RERE: variants seen among roughly 807,000 people sequenced by gnomAD.
RERE encodes arginine-glutamic acid dipeptide repeats protein.
In RERE, 40 loss-of-function variants were observed where a neutral mutation model predicts 146.1. The observed-to-expected ratio is 0.27, with a 90% CI of 0.21 to 0.36. The LOEUF (loss-of-function observed/expected upper bound fraction) is 0.36, where lower values mean the gene tolerates loss of function less well. Ranked by LOEUF, RERE falls within the 10% of genes least tolerant of loss-of-function variation. The pLI is 1.00. For synonymous variants in RERE, 1,003 were observed against 866.0 expected (o/e 1.16, Z -2.78); for missense variants, 1,933 against 2,138.7 (o/e 0.90, Z 1.90).
chr1:8,365,437 C>A (rs902357), intron 13 of RERE, among the ~76,000 whole-genome samples: 1,905 of 152,246 alleles, frequency 0.013, 39 homozygotes, highest in African/African-American at 0.044. Flanking sequence ...GATCTTCTTA[C>A]AACCAAAAGT....
At chr1:8,793,356 C>A (rs900194524) in intron 1 of RERE, among the ~76,000 whole-genome samples, 17 of 152,098 alleles carry the variant, frequency 1.1e-4, no homozygotes, top group Non-Finnish European at 2.2e-4. Context: ...ACTCTCCAAG[C>A]ATTTTGCAAC....
At chr1:8,479,368 T>C (rs1447789296) in intron 10 of RERE, among the ~76,000 whole-genome samples, 1 of 152,044 alleles carries the variant, frequency 6.6e-6, no homozygotes, top group East Asian at 1.9e-4. Context: ...ATAATAGTCA[T>C]TTTAACTGTG....
chr1:8,604,473 A>T (rs1454522926), intron 4 of RERE, among the ~76,000 whole-genome samples: 2 of 143,724 alleles, frequency 1.4e-5, no homozygotes, highest in Non-Finnish European at 3.2e-5. Flanking sequence ...GGGCAGAGGC[A>T]GAGCTCCATC....
At chr1:8,574,026 A>C (rs1008255124) in intron 4 of RERE, among the ~76,000 whole-genome samples, 29 of 151,882 alleles carry the variant, frequency 1.9e-4, no homozygotes, top group Non-Finnish European at 2.1e-4. Flanking sequence ...GGCTGGTCTT[A>C]AACTCCTGGG....
intron 1 of RERE, among the ~76,000 whole-genome samples, chr1:8,683,258 A>T (rs973800794): frequency 6.6e-6 from 1 of 152,068 alleles, no homozygotes; most frequent in Admixed American, 6.6e-5. Context: ...TATACCACAC[A>T]TGTACCTTCA....
chr1:8,766,779 T>G (rs565324330), intron 1 of RERE, among the ~76,000 whole-genome samples: 23 of 152,188 alleles, frequency 1.5e-4, no homozygotes, highest in African/African-American at 5.5e-4. Context: ...GCAGGAAAAT[T>G]CACAATATTG....
chr1:8,424,054 C>G (rs574592089), intron 11 of RERE: 1 of 152,336 alleles, frequency 6.6e-6, no homozygotes, highest in Admixed American at 6.5e-5. Flanking sequence ...AGGGCTGGGG[C>G]CCTTCCCAGG....
intron 7 of RERE, among the ~76,000 whole-genome samples, chr1:8,520,598 T>C (rs1430445560): frequency 6.6e-6 from 1 of 152,018 alleles, no homozygotes; most frequent in Non-Finnish European, 1.5e-5. Context: ...TCTTCTCCAT[T>C]ATGTGGTAAC....
intron 2 of RERE, among the ~76,000 whole-genome samples, chr1:8,643,500 A>G (rs1475247354): frequency 2.0e-5 from 3 of 152,338 alleles, no homozygotes; most frequent in African/African-American, 7.2e-5. Context: ...CTTACGTAAA[A>G]TACAGGGTAA....
intron 10 of RERE, among the ~76,000 whole-genome samples, chr1:8,494,349 T>C (rs1645015926): frequency 6.6e-6 from 1 of 152,252 alleles, no homozygotes; most frequent in Non-Finnish European, 1.5e-5. Context: ...ACACGGCTTC[T>C]AGATTCCAAT....
intron 11 of RERE, among the ~76,000 whole-genome samples, chr1:8,426,177 G>C (rs913680604): frequency 6.6e-6 from 1 of 152,120 alleles, no homozygotes; most frequent in African/African-American, 2.4e-5. Flanking sequence ...TCTTTCAGCC[G>C]GGCGCGGTGG....
chr1:8,638,246 G>A (rs1205663785), intron 2 of RERE, among the ~76,000 whole-genome samples: 1 of 152,160 alleles, frequency 6.6e-6, no homozygotes, highest in East Asian at 1.9e-4. Flanking sequence ...TACTTTCAAA[G>A]TAATGTGGAA....
At chr1:8,529,287 CTTTTTTTTTTT>C (rs34547801) in intron 7 of RERE, among the ~76,000 whole-genome samples, 1 of 102,446 alleles carries the variant, frequency 9.8e-6, no homozygotes, top group Non-Finnish European at 1.9e-5. Flanking sequence ...GTTCTCCCTT[CTTTTTTTTTTT>C]TTTTTTTTTG....
chr1:8,591,767 C>T (rs193266509), intron 4 of RERE, among the ~76,000 whole-genome samples: 2 of 152,324 alleles, frequency 1.3e-5, no homozygotes, highest in Non-Finnish European at 2.9e-5. Flanking sequence ...GGTTCCATCA[C>T]GCATGCTTCC....
rs976709089 is a variant in RERE, at chr1:8,361,012, G to A, written c.2495C>T (p.Ser832Leu). 7.0e-6 allele frequency: 10 copies of A among 1,437,046 alleles called. No homozygotes were observed. Among genetic ancestry groups the A allele is most frequent in the African/African-American group, 1.4e-5 (1 of 69,406 alleles). 89.0% of individuals were successfully genotyped at this position (1,437,046 alleles called of 1,614,324 possible). ...PHPPLQPLTG[S>L]AGQPSAPSHA... ...AGAGGGTGCAGAAGGCTGGCCCGCC[G>A]ACCCAGTCAGAGGCTGCAGCGGGGG... is the stretch of plus-strand genomic sequence containing the variant. Residue 832 changes from serine (S) to leucine (L), a missense_variant, in exon 18 of 23, where the codon TCG becomes TTG. Coordinates refer to ENST00000400908, the MANE Select transcript of RERE (RefSeq NM_001042681.2).
chr1:8,533,550 G>T (rs1645685568), intron 7 of RERE, among the ~76,000 whole-genome samples: 1 of 152,088 alleles, frequency 6.6e-6, no homozygotes, highest in African/African-American at 2.4e-5. Context: ...ATCTTGAAGG[G>T]TTTACTGGCA....
At chr1:8,558,125 CTCATT>C (rs1162143307) in intron 4 of RERE, among the ~76,000 whole-genome samples, 2 of 152,302 alleles carry the variant, frequency 1.3e-5, no homozygotes, top group East Asian at 3.9e-4. Flanking sequence ...GAGACCTCAT[CTCATT>C]TATTTCCGAA....
At chr1:8,441,615 T>C (rs534269802) in intron 11 of RERE, among the ~76,000 whole-genome samples, 59 of 152,380 alleles carry the variant, frequency 3.9e-4, no homozygotes, top group African/African-American at 8.7e-4. Flanking sequence ...ATCTGATAGA[T>C]TGCGGAAAGT....
intron 1 of RERE, among the ~76,000 whole-genome samples, chr1:8,762,377 T>G (rs541543492): frequency 7.2e-5 from 11 of 152,154 alleles, no homozygotes. Flanking sequence ...ATTTGACAAA[T>G]GAATGAAAAA....
Sources: allele counts gnomAD v4.1 joint callset (sites outside exome capture counted in the v4.1 genomes callset), GRCh38; gene constraint gnomAD v4.1.1; transcripts MANE v1.5; gene names NCBI Gene and HGNC (gene_info 2026-07-23, HGNC 2026-07-21).